The following BANP variants were observed in gnomAD, a reference collection of about 807,000 sequenced individuals.
BANP encodes BTG3 associated nuclear protein.
Under a neutral mutation model 68.1 loss-of-function variants are expected in BANP, and 11 were observed. That is an observed-to-expected ratio of 0.16 (90% confidence interval 0.10 to 0.27). BANP has a LOEUF of 0.27. Ranked by LOEUF, BANP falls within the 10% of genes least tolerant of loss-of-function variation. The probability of loss-of-function intolerance (pLI) is 1.00; values close to 1 mark genes in which losing one functional copy is unlikely to be tolerated. For synonymous variants in BANP, 329 were observed against 303.2 expected (o/e 1.09, Z -0.88); for missense variants, 504 against 722.7 (o/e 0.70, Z 3.47).
At chr16:88,043,807 A>C (rs537627907) in intron 11 of BANP, among the ~76,000 whole-genome samples, 44 of 152,290 alleles carry the variant, frequency 2.9e-4, no homozygotes, top group African/African-American at 1.1e-3. Flanking sequence ...TTGTCTAAGG[A>C]ATTTCAATTT....
rs1471075117 is a variant in BANP, at chr16:88,074,928, G to A, written c.1522-1662G>A. On this transcript the variant is annotated intron_variant, in intron 13 of 13. Coordinates refer to ENST00000682872, the MANE Select transcript of BANP (RefSeq NM_001386991.1). ...CTTGAAAAAGCACAACCTGGACCAG[G>A]TGCAGTGTTTCATGCCTGTAATCCC... Among the ~76,000 whole-genome samples, 3 of 152,322 alleles carry A rather than the reference G, an allele frequency of 2.0e-5. No homozygotes were observed. In the East Asian group the frequency reaches 5.8e-4, roughly 29 times the overall value.
At chr16:87,958,383 A>C (rs892472182) in intron 1 of BANP, among the ~76,000 whole-genome samples, 1 of 152,202 alleles carries the variant, frequency 6.6e-6, no homozygotes, top group Non-Finnish European at 1.5e-5. Context: ...CGACTCAGGA[A>C]ACTTGCAGTG....
intron 1 of BANP, among the ~76,000 whole-genome samples, chr16:87,955,313 C>G (rs1376430371): frequency 6.6e-6 from 1 of 152,238 alleles, no homozygotes; most frequent in Non-Finnish European, 1.5e-5. Flanking sequence ...GAAACGCACA[C>G]TTTCAGGCCC....
intron 4 of BANP, among the ~76,000 whole-genome samples, chr16:87,999,864 A>C (rs1232325380): frequency 1.2e-4 from 5 of 42,046 alleles, no homozygotes; most frequent in East Asian, 8.1e-4. Context: ...GTCTCCATGC[A>C]CGCACGTGCA....
chr16:88,065,892 C>T (rs1361328851), intron 12 of BANP, among the ~76,000 whole-genome samples: 1 of 152,126 alleles, frequency 6.6e-6, no homozygotes, highest in African/African-American at 2.4e-5. Context: ...AGCAGCTCCC[C>T]TCTGGGAGGG....
chr16:87,962,269 T>A (rs4843749), intron 1 of BANP, among the ~76,000 whole-genome samples: 1 of 140,254 alleles, frequency 7.1e-6, no homozygotes, highest in African/African-American at 2.7e-5. Flanking sequence ...AAGCACATTT[T>A]TTTCCTTTAT....
chr16:88,043,148 G>GC (rs2081216149), intron 11 of BANP, among the ~76,000 whole-genome samples: 1 of 152,088 alleles, frequency 6.6e-6, no homozygotes, highest in African/African-American at 2.4e-5. Flanking sequence ...CTTGCCCTCC[G>GC]CCGCATCCTC....
chr16:87,997,142 AG>A (rs907258624), intron 4 of BANP, among the ~76,000 whole-genome samples: 22 of 152,216 alleles, frequency 1.4e-4, no homozygotes, highest in African/African-American at 5.1e-4. Context: ...GATGTTTTGT[AG>A]AAATGGGGTC....
intron 2 of BANP, among the ~76,000 whole-genome samples, chr16:87,977,633 A>G (rs1420192795): frequency 6.6e-6 from 1 of 152,170 alleles, no homozygotes; most frequent in African/African-American, 2.4e-5. Context: ...GAAGAAATAA[A>G]AATTTCCCAT....
At chr16:88,062,541 C>T (rs779989924) in intron 11 of BANP, among the ~76,000 whole-genome samples, 5 of 152,194 alleles carry the variant, frequency 3.3e-5, no homozygotes, top group East Asian at 1.9e-4. Flanking sequence ...GAAAGTAGCA[C>T]GTGTCTCCAG....
At chr16:87,998,449 G>A (rs1054729013) in intron 4 of BANP, among the ~76,000 whole-genome samples, 2 of 152,198 alleles carry the variant, frequency 1.3e-5, no homozygotes, top group African/African-American at 4.8e-5. Context: ...GCTGCTGTCT[G>A]TGCCATCTGC....
chr16:88,069,005 C>T (rs557919670), intron 12 of BANP, among the ~76,000 whole-genome samples: 190 of 151,984 alleles, frequency 1.3e-3, no homozygotes, highest in African/African-American at 4.4e-3. Flanking sequence ...CCAGCCCAGC[C>T]CAGCCCCCTG....
Position 87,981,138 on chromosome 16 carries a change from G to A in BANP, c.162+11G>A. The A allele has an allele frequency of 6.2e-7, 1 of 1,605,566 alleles. No individual in the cohort carries two copies. Among genetic ancestry groups the A allele is most frequent in the South Asian group, 1.1e-5 (1 of 90,914 alleles). On this transcript the variant is annotated intron_variant, in intron 3 of 13. Transcript: ENST00000682872. ...GATCCATCTATAAAGGTAAAAATCT[G>A]ACTCTGTTCTGTGGTGTGTAGTGCG...
At position 87,987,712 on chromosome 16, in the gene BANP, CAAAAAAAAAAAA is replaced by C. The variant is rs66648819; in HGVS notation, c.362+3469_362+3480del. Among the ~76,000 whole-genome samples the C allele has an allele frequency of 7.2e-4, 22 of 30,374 alleles. 1 individual carries two copies. The highest frequency in any genetic ancestry group is 1.1e-3 in the Admixed American group (2 of 1,758). 19.9% of individuals were successfully genotyped at this position (30,374 alleles called of 152,430 possible). On this transcript the variant is annotated intron_variant, in intron 4 of 13. Transcript: ENST00000682872. Reference sequence around the variant, plus strand: ...CTCCAGGCTGAGCGAGACCCTAACTCAAAAAAAAAAAAAAAAAAAAAAAAAAAGGATGTTATT... The same window carrying C: ...CTCCAGGCTGAGCGAGACCCTAACTCAAAAAAAAAAAAAAAGGATGTTATT...
Position 88,044,723 on chromosome 16 carries a change from C to A in BANP, c.1311+6712C>A, listed in dbSNP as rs1189601390. Among the ~76,000 whole-genome samples the A allele has an allele frequency of 2.6e-5, 4 of 152,228 alleles. No homozygotes were observed. The East Asian group carries it at 5.8e-4, about 22-fold the overall frequency. Reference sequence around the variant, plus strand: ...TATAGGCTGGGCACGGTGGCTCACGCCTGTAATCCCAGCACTTTGGGAGGC... The same window carrying A: ...TATAGGCTGGGCACGGTGGCTCACGACTGTAATCCCAGCACTTTGGGAGGC... On this transcript the variant is annotated intron_variant, in intron 11 of 13. Coordinates refer to ENST00000682872, the MANE Select transcript of BANP (RefSeq NM_001386991.1).
Position 88,018,803 on chromosome 16 carries a change from C to G in BANP, c.895+136C>G. 1 of 1,192,390 alleles carries G rather than the reference C, an allele frequency of 8.4e-7. No homozygotes were observed. The highest frequency in any genetic ancestry group is 1.2e-6 in the Non-Finnish European group (1 of 865,548). 73.9% of individuals were successfully genotyped at this position (1,192,390 alleles called of 1,614,324 possible). ...CTCCAGGCGGTTTGAAATCTCAGCC[C>G]GAGGATCAGTGCTCGAGGGGATGGA... is the stretch of plus-strand genomic sequence containing the variant. On this transcript the variant is annotated intron_variant, in intron 7 of 13. Transcript: ENST00000682872. This position sits in a 1 kb window ranked among gnomAD's most constrained non-coding sequence, Gnocchi z 7.7.
chr16:88,024,670 T>C (rs1284862277), intron 7 of BANP, among the ~76,000 whole-genome samples: 1 of 152,350 alleles, frequency 6.6e-6, no homozygotes, highest in East Asian at 1.9e-4. Flanking sequence ...CACTGCACTC[T>C]GCGGGCAGCA....
At chr16:88,051,193 T>G (rs1437245393) in intron 11 of BANP, among the ~76,000 whole-genome samples, 14 of 151,898 alleles carry the variant, frequency 9.2e-5, no homozygotes, top group African/African-American at 3.4e-4. Context: ...GGCTCCCCAG[T>G]GGTTTAGGGC....
chr16:88,026,603 T>G (rs1219597796), intron 7 of BANP, among the ~76,000 whole-genome samples: 1 of 151,600 alleles, frequency 6.6e-6, no homozygotes, highest in African/African-American at 2.4e-5. Flanking sequence ...CAAACTGTGT[T>G]TACCAGGGGA....
Sources: gnomAD v4.1 joint callset for allele counts (sites outside exome capture counted in the v4.1 genomes callset) on GRCh38, gnomAD v4.1.1 for gene constraint, Gnocchi (gnomAD v3.1) non-coding constraint, MANE v1.5 for transcripts, NCBI Gene and HGNC (gene_info 2026-07-23, HGNC 2026-07-21) for gene names.